AKT3: variants seen among roughly 807,000 people sequenced by gnomAD.
The protein encoded by AKT3 is AKT serine/threonine kinase 3, also known as RAC-gamma serine/threonine-protein kinase.
In AKT3, 15 loss-of-function variants were observed where a neutral mutation model predicts 65.3. The ratio of observed to expected loss-of-function variants is 0.23; its 90% CI spans 0.15 to 0.35. The LOEUF (loss-of-function observed/expected upper bound fraction) is 0.35, where lower values mean the gene tolerates loss of function less well. Among genes scored for constraint, AKT3 ranks in the 10% least tolerant of loss-of-function variants. The pLI, the probability that AKT3 is intolerant of heterozygous loss-of-function variation, is 1.00. For missense variants in AKT3, 243 were observed against 576.5 expected, an observed-to-expected ratio of 0.42 and a Z score of 5.92; for synonymous variants, 206 against 183.8, an observed-to-expected ratio of 1.12 and a Z score of -0.98.
At chr1:243,652,588 G>A (rs1244019120) in intron 4 of AKT3, among the ~76,000 whole-genome samples, 2 of 151,798 alleles carry the variant, frequency 1.3e-5, no homozygotes, top group Non-Finnish European at 2.9e-5. Context: ...AAATTCACAT[G>A]TGACAATACT....
rs572960154 is a variant in AKT3, at chr1:243,713,746, T to TAAAAA, written c.47-18035_47-18031dup. Among the ~76,000 whole-genome samples the TAAAAA allele has an allele frequency of 4.9e-4, 41 of 82,958 alleles. 1 individual carries two copies. Among genetic ancestry groups the TAAAAA allele is most frequent in the African/African-American group, 1.6e-3 (33 of 20,660 alleles). 54.4% of individuals were successfully genotyped at this position (82,958 alleles called of 152,430 possible). A position where few individuals can be genotyped will look rare whatever the true frequency, so the allele number is the denominator to read the frequency against. On this transcript the variant is annotated intron_variant, in intron 2 of 13. Transcript: ENST00000673466. ...TCGCTACAAGGCTGCTTTGCCTTAA[T>TAAAAA]AAAAAAAAAAAAAAAAAAAAAAAAA...
chr1:243,703,760 C>CAAAA (rs370671685), intron 2 of AKT3, among the ~76,000 whole-genome samples: 4 of 78,388 alleles, frequency 5.1e-5, no homozygotes, highest in African/African-American at 1.7e-4. Context: ...GACTCCATCT[C>CAAAA]AAAAAAAAAA....
chr1:243,518,842 G>A (rs1039168460), intron 12 of AKT3, among the ~76,000 whole-genome samples: 4 of 152,178 alleles, frequency 2.6e-5, no homozygotes, highest in African/African-American at 7.2e-5. Context: ...GTTATAACAT[G>A]ACTGTACAGG....
intron 2 of AKT3, among the ~76,000 whole-genome samples, chr1:243,707,664 A>G (rs1260703058): frequency 6.6e-6 from 1 of 152,164 alleles, no homozygotes; most frequent in African/African-American, 2.4e-5. Flanking sequence ...ATGGATATAC[A>G]GCATGATGCT....
intron 12 of AKT3, among the ~76,000 whole-genome samples, chr1:243,523,294 CACACACA>C (rs1465870289): frequency 6.6e-6 from 1 of 151,448 alleles, no homozygotes; most frequent in East Asian, 1.9e-4. Context: ...CACACACACA[CACACACA>C]CACACACCTT....
intron 8 of AKT3, among the ~76,000 whole-genome samples, chr1:243,580,197 G>T (rs1675228919): frequency 6.6e-6 from 1 of 152,138 alleles, no homozygotes; most frequent in Admixed American, 6.5e-5. Context: ...CCAGAGAGGA[G>T]AAGGCCAGCA....
intron 8 of AKT3, among the ~76,000 whole-genome samples, chr1:243,608,230 G>A (rs916141853): frequency 1.3e-5 from 2 of 152,092 alleles, no homozygotes; most frequent in Non-Finnish European, 2.9e-5. Flanking sequence ...CTACCATTGT[G>A]CTATCCATCA....
chr1:243,578,505 GAAC>G (rs1270212261), intron 8 of AKT3, among the ~76,000 whole-genome samples: 1 of 152,084 alleles, frequency 6.6e-6, no homozygotes, highest in African/African-American at 2.4e-5. Flanking sequence ...GGCACAGGGA[GAAC>G]ACCACCACAC....
chr1:243,838,720 A>T (rs1411337526), intron 2 of AKT3, among the ~76,000 whole-genome samples: 2 of 152,218 alleles, frequency 1.3e-5, no homozygotes, highest in Non-Finnish European at 2.9e-5. Flanking sequence ...CAAAATCTTT[A>T]TCCTGGCATT....
chr1:243,617,811 G>A (rs1678442958), intron 6 of AKT3, among the ~76,000 whole-genome samples: 1 of 152,044 alleles, frequency 6.6e-6, no homozygotes. Context: ...GACTACTATG[G>A]TGGCAGCGGA....
At chr1:243,828,748 G>C (rs1694324634) in intron 2 of AKT3, among the ~76,000 whole-genome samples, 1 of 152,160 alleles carries the variant, frequency 6.6e-6, no homozygotes, top group African/African-American at 2.4e-5. Context: ...CAAGCTATTA[G>C]TAGTTAAGTT....
At chr1:243,702,696 G>A (rs563318383) in intron 2 of AKT3, among the ~76,000 whole-genome samples, 36 of 152,010 alleles carry the variant, frequency 2.4e-4, no homozygotes, top group Non-Finnish European at 4.4e-4. Flanking sequence ...AAGTCTCTTT[G>A]GCTAGTGTCA....
At chr1:243,722,422 T>C (rs906526714) in intron 2 of AKT3, among the ~76,000 whole-genome samples, 2 of 152,192 alleles carry the variant, frequency 1.3e-5, no homozygotes, top group Non-Finnish European at 1.5e-5. Context: ...TCTGAGTACA[T>C]GCATATGAAT....
chr1:243,671,170 C>T lies in AKT3; in HGVS notation c.173-6287G>A, dbSNP rs936335697. Among the ~76,000 whole-genome samples, 3 of 151,716 alleles carry T rather than the reference C, an allele frequency of 2.0e-5. No individual in the cohort carries two copies. In the East Asian group the frequency reaches 5.8e-4, roughly 29 times the overall value. On this transcript the variant is annotated intron_variant, in intron 3 of 13. Transcript: ENST00000673466. ...CTCGGCTCATGCAAGCTCCACCTCC[C>T]GGGTTCATGCCATTCTCCTGCCTCA... is the stretch of plus-strand genomic sequence containing the variant.
intron 2 of AKT3, among the ~76,000 whole-genome samples, chr1:243,821,511 C>T (rs1693853164): frequency 6.6e-6 from 1 of 152,082 alleles, no homozygotes; most frequent in East Asian, 1.9e-4. Context: ...CAATCAAGAC[C>T]CATCAGTGTG....
At chr1:243,555,474 G>A (rs777773365) in intron 10 of AKT3, among the ~76,000 whole-genome samples, 7 of 151,988 alleles carry the variant, frequency 4.6e-5, no homozygotes, top group Non-Finnish European at 1.0e-4. Context: ...TAACCAATTC[G>A]AATCCAATAA....
chr1:243,607,586 G>C (rs970116370), intron 8 of AKT3, among the ~76,000 whole-genome samples: 1 of 152,214 alleles, frequency 6.6e-6, no homozygotes, highest in African/African-American at 2.4e-5. Flanking sequence ...ATAGTCAGAA[G>C]AGACTTGCCT....
Position 243,503,574 on chromosome 1 carries a change from C to A in AKT3, c.*1675G>T. 4.3e-6 allele frequency: 1 copy of A among 233,326 alleles called. No individual in the cohort carries two copies. Among genetic ancestry groups the A allele is most frequent in the African/African-American group, 2.2e-5 (1 of 45,406 alleles). 14.5% of individuals were successfully genotyped at this position (233,326 alleles called of 1,614,324 possible). A position where few individuals can be genotyped will look rare whatever the true frequency, so the allele number is the denominator to read the frequency against. ...AGGCTGCTTTGGAAATTGTCAGCTCCTAGCACCAAAGGGTTTAATCTGAAG... is the reference window on the plus strand; with the variant it reads ...AGGCTGCTTTGGAAATTGTCAGCTCATAGCACCAAAGGGTTTAATCTGAAG... On this transcript the variant is annotated 3_prime_UTR_variant, in exon 14 of 14. Coordinates refer to ENST00000673466, the MANE Select transcript of AKT3 (RefSeq NM_005465.7).
At chr1:243,492,877 C>G (rs1666914754) in intron 13 of AKT3, among the ~76,000 whole-genome samples, 1 of 152,028 alleles carries the variant, frequency 6.6e-6, no homozygotes. Context: ...AAAGTGCTGG[C>G]ATTACAGGCA....
Sources: allele counts gnomAD v4.1 joint callset (sites outside exome capture counted in the v4.1 genomes callset), GRCh38; gene constraint gnomAD v4.1.1; transcripts MANE v1.5; gene names NCBI Gene and HGNC (gene_info 2026-07-23, HGNC 2026-07-21).